The following EDA2R variants were observed in gnomAD, a reference collection of about 807,000 sequenced individuals.
EDA2R encodes the protein tumor necrosis factor receptor superfamily member 27.
A neutral mutation model predicts 20.1 loss-of-function variants in EDA2R; 26 were observed. That is an observed-to-expected ratio of 1.30 (90% CI 0.95 to 1.80). The LOEUF (loss-of-function observed/expected upper bound fraction) is 1.80. Among genes scored for constraint, EDA2R ranks in the 40% most tolerant of loss-of-function variants. The pLI is 0.00. For synonymous variants in EDA2R, 114 were observed against 88.7 expected (o/e 1.29, Z -1.60); for missense variants, 277 against 228.7 (o/e 1.21, Z -1.36).
chrX:66,617,313 G>A (rs746672724), intron 1 of EDA2R, among the ~76,000 whole-genome samples: 1 of 111,857 alleles, frequency 8.9e-6, no homozygotes, highest in Admixed American at 9.4e-5. Context: ...TTCATTCAAA[G>A]GAAAGTGGGC....
intron 2 of EDA2R, among the ~76,000 whole-genome samples, chrX:66,615,552 C>A (rs2147810655): frequency 9.0e-6 from 1 of 111,679 alleles, no homozygotes; most frequent in East Asian, 2.8e-4. Context: ...TAGCGCAGAC[C>A]CTCTAGAACA....
chrX:66,623,132 C>T lies in EDA2R; in HGVS notation c.-10-7102G>A, dbSNP rs1038196410. On this transcript the variant is annotated intron_variant, in intron 1 of 6. Coordinates refer to ENST00000374719, the MANE Select transcript of EDA2R (RefSeq NM_021783.5). ...GTTAGTCAAAAATGTGGCATGAGCA[C>T]GCTACATTTTACAGTTCACCAAGTG... 1.5e-3 allele frequency among the ~76,000 whole-genome samples: 164 copies of T among 112,221 alleles called. 1 individual carries two copies. Among genetic ancestry groups the T allele is most frequent in the Middle Eastern group, 4.7e-3 (1 of 215 alleles).
At chrX:66,624,523 A>G (rs1354097536) in intron 1 of EDA2R, among the ~76,000 whole-genome samples, 1 of 111,823 alleles carries the variant, frequency 8.9e-6, no homozygotes, top group African/African-American at 3.3e-5. Flanking sequence ...TGTCTCAAAT[A>G]AATAAATGAA....
rs142148419 is a variant in EDA2R, at chrX:66,617,754, G to T, written c.-10-1724C>A. 2.4e-4 allele frequency among the ~76,000 whole-genome samples: 27 copies of T among 110,637 alleles called. 1 individual carries two copies. In the East Asian group the frequency reaches 7.2e-3, roughly 29 times the overall value. ...ACCCCAACATGTCTCTCTAACCATG[G>T]CTTTGAAACCTCTGTCTAGGCAAGG... On this transcript the variant is annotated intron_variant, in intron 1 of 6. Coordinates refer to ENST00000374719, the MANE Select transcript of EDA2R (RefSeq NM_021783.5).
intron 2 of EDA2R, among the ~76,000 whole-genome samples, chrX:66,607,148 A>G (rs1929827805): frequency 8.9e-6 from 1 of 112,150 alleles, no homozygotes; most frequent in African/African-American, 3.2e-5. Context: ...CCTAAAGCTT[A>G]CATGTCAGGC....
At chrX:66,625,963 G>A (rs962652705) in intron 1 of EDA2R, among the ~76,000 whole-genome samples, 2 of 111,535 alleles carry the variant, frequency 1.8e-5, no homozygotes, top group Non-Finnish European at 1.9e-5. Context: ...TAGGTAAAGG[G>A]GGAGAGTACT....
At chrX:66,618,801 C>CA (rs898981974) in intron 1 of EDA2R, among the ~76,000 whole-genome samples, 12 of 111,116 alleles carry the variant, frequency 1.1e-4, no homozygotes, top group African/African-American at 2.7e-4. Context: ...TCACATCCAT[C>CA]AAAAAAAGAG....
intron 1 of EDA2R, among the ~76,000 whole-genome samples, chrX:66,631,726 G>A (rs1027658575): frequency 8.9e-6 from 1 of 111,852 alleles, no homozygotes; most frequent in African/African-American, 3.3e-5. Flanking sequence ...ACCTTACAAA[G>A]TGAAGACAAA....
intron 2 of EDA2R, among the ~76,000 whole-genome samples, chrX:66,615,351 AC>A (rs1232361759): frequency 2.7e-5 from 3 of 111,737 alleles, no homozygotes; most frequent in Non-Finnish European, 5.6e-5. Flanking sequence ...AAAATTTAAT[AC>A]CACCCCCAAG....
chrX:66,614,244 T>C (rs1334210595), intron 2 of EDA2R, among the ~76,000 whole-genome samples: 1 of 111,725 alleles, frequency 9.0e-6, no homozygotes, highest in African/African-American at 3.3e-5. Context: ...GAGGCCACAA[T>C]GAGAACAAAA....
At chrX:66,608,257 G>A (rs1427410368) in intron 2 of EDA2R, among the ~76,000 whole-genome samples, 2 of 110,823 alleles carry the variant, frequency 1.8e-5, no homozygotes, top group East Asian at 2.8e-4. Flanking sequence ...AAAACAGGGA[G>A]ATGGGGGACG....
At position 66,638,423 on chromosome X, in the gene EDA2R, T is replaced by C. The variant is rs746478739; in HGVS notation, c.-11+572A>G. ...CCCAGTTCTTGCAGCTTGCTGGGTC[T>C]TGGCCAGTGTTTGGAGTGAGGCAGG... On this transcript the variant is annotated intron_variant, in intron 1 of 6. Transcript: ENST00000374719. Among the ~76,000 whole-genome samples the C allele has an allele frequency of 1.7e-3, 194 of 111,489 alleles. 1 individual carries two copies. Among genetic ancestry groups the C allele is most frequent in the African/African-American group, 5.3e-3 (163 of 30,644 alleles).
chrX:66,604,039 C>T (rs1490107653), intron 4 of EDA2R, among the ~76,000 whole-genome samples: 1 of 111,648 alleles, frequency 9.0e-6, no homozygotes, highest in African/African-American at 3.3e-5. Flanking sequence ...CATTCAGCCT[C>T]TTACAAGTCC....
intron 1 of EDA2R, among the ~76,000 whole-genome samples, chrX:66,620,410 G>A (rs1932406963): frequency 9.0e-6 from 1 of 110,951 alleles, no homozygotes; most frequent in African/African-American, 3.3e-5. Context: ...GAATCAAATC[G>A]GACCCCTACC....
At position 66,603,830 on chromosome X, in the gene EDA2R, G is replaced by C. The variant is rs1379263677; in HGVS notation, c.352+591C>G. ...CAAAATGCTATGATTTATTAACTTT[G>C]GATAGATGCTGGGTGATTGCATTTT... On this transcript the variant is annotated intron_variant, in intron 4 of 6. Transcript: ENST00000374719. Among the ~76,000 whole-genome samples, 11 of 111,655 alleles carry C rather than the reference G, an allele frequency of 9.9e-5. No individual in the cohort carries two copies. In the Admixed American group the frequency reaches 1.0e-3, roughly 11 times the overall value.
At chrX:66,621,915 TA>T in intron 1 of EDA2R, among the ~76,000 whole-genome samples, 1 of 112,554 alleles carries the variant, frequency 8.9e-6, no homozygotes, top group South Asian at 3.7e-4. Flanking sequence ...TATCTCATTT[TA>T]AAAGATGGTT....
chrX:66,629,620 G>T (rs1053098934), intron 1 of EDA2R, among the ~76,000 whole-genome samples: 2 of 111,128 alleles, frequency 1.8e-5, no homozygotes, highest in Non-Finnish European at 3.8e-5. Flanking sequence ...AAATACTTAG[G>T]AATATATCTA....
intron 2 of EDA2R, among the ~76,000 whole-genome samples, chrX:66,611,217 C>T (rs1292934080): frequency 1.8e-5 from 2 of 111,614 alleles, no homozygotes; most frequent in African/African-American, 6.5e-5. Flanking sequence ...TAAACATAAA[C>T]AGATGACTGC....
chrX:66,623,980 A>T (rs1176354748), intron 1 of EDA2R, among the ~76,000 whole-genome samples: 2 of 112,215 alleles, frequency 1.8e-5, no homozygotes, highest in Non-Finnish European at 3.8e-5. Flanking sequence ...TTAGAATGTA[A>T]ATGCTATGAG....
Sources: allele counts gnomAD v4.1 joint callset (sites outside exome capture counted in the v4.1 genomes callset), GRCh38; gene constraint gnomAD v4.1.1; transcripts MANE v1.5; gene names NCBI Gene and HGNC (gene_info 2026-07-23, HGNC 2026-07-21).